KCNG3: variants seen among roughly 807,000 people sequenced by gnomAD.
KCNG3 encodes the protein voltage-gated potassium channel regulatory subunit KCNG3.
A neutral mutation model predicts 29.0 loss-of-function variants in KCNG3; 15 were observed. The ratio of observed to expected loss-of-function variants is 0.52; its 90% CI spans 0.35 to 0.80. The LOEUF (loss-of-function observed/expected upper bound fraction) is 0.80. Ranked by LOEUF, KCNG3 falls within the 30% of genes least tolerant of loss-of-function variation. KCNG3 has a pLI of 0.01. For missense variants in KCNG3, 512 were observed against 605.7 expected, an observed-to-expected ratio of 0.85 and a Z score of 1.62; for synonymous variants, 322 against 248.9, an observed-to-expected ratio of 1.29 and a Z score of -2.76.
intron 1 of KCNG3, among the ~76,000 whole-genome samples, chr2:42,445,932 G>C (rs1469368476): frequency 6.6e-5 from 10 of 151,780 alleles, no homozygotes. Flanking sequence ...TCACCATTTT[G>C]GCCAGGCTGG....
At chr2:42,483,442 A>G (rs779814920) in intron 1 of KCNG3, among the ~76,000 whole-genome samples, 1 of 152,222 alleles carries the variant, frequency 6.6e-6, no homozygotes, top group Non-Finnish European at 1.5e-5. Flanking sequence ...CACTGTTTGC[A>G]CTTTTGAAAA....
intron 1 of KCNG3, chr2:42,469,939 C>A: frequency 2.9e-6 from 1 of 342,088 alleles, no homozygotes; most frequent in South Asian, 4.4e-5. Context: ...AACTGGCCAA[C>A]AAGGCCTGAC....
At position 42,493,594 on chromosome 2, in the gene KCNG3, G is replaced by C. The variant is rs533277858; in HGVS notation, c.-93C>G. ...GGGGCCTGCCTGCCCGTGGCTGACGGGGGAGCGCGCCGTCGGGGCCCGCGC... is the reference window on the plus strand; with the variant it reads ...GGGGCCTGCCTGCCCGTGGCTGACGCGGGAGCGCGCCGTCGGGGCCCGCGC... On this transcript the variant is annotated 5_prime_UTR_variant, in exon 1 of 2. Coordinates refer to ENST00000306078, the MANE Select transcript of KCNG3 (RefSeq NM_133329.6). 47 of 1,161,000 alleles carry C rather than the reference G, an allele frequency of 4.0e-5. No homozygotes were observed. The South Asian group carries it at 7.5e-4, about 18-fold the overall frequency. 71.9% of individuals were successfully genotyped at this position (1,161,000 alleles called of 1,614,324 possible). A position where few individuals can be genotyped will look rare whatever the true frequency, so the allele number is the denominator to read the frequency against.
the KCNG3 span, among the ~76,000 whole-genome samples, chr2:42,407,587 G>C: frequency 6.6e-6 from 1 of 152,178 alleles, no homozygotes; most frequent in Non-Finnish European, 1.5e-5. Flanking sequence ...AGCCATCCAA[G>C]TCATGGCTGT....
In KCNG3 at chr2:42,444,543, G is replaced by T. The variant is rs142024638; in HGVS notation, c.702C>A (p.Ala234=). The part of the protein sequence containing the change: ...IEAICIGWFT[A]ECIVRFIVSK... Reference sequence around the variant, plus strand: ...AGACAATGAACCTCACGATGCACTCGGCAGTGAACCAACCTATGCAGATAG... The same window carrying T: ...AGACAATGAACCTCACGATGCACTCTGCAGTGAACCAACCTATGCAGATAG... The change falls in exon 2 of 2, where the codon GCC becomes GCA. Residue 234 remains alanine (A), a synonymous_variant. Coordinates refer to ENST00000306078, the MANE Select transcript of KCNG3 (RefSeq NM_133329.6). This position sits in a 1 kb window ranked among gnomAD's most constrained non-coding sequence, Gnocchi z 5.8. 47 of 1,613,888 alleles carry T rather than the reference G, an allele frequency of 2.9e-5. No homozygotes were observed. Among genetic ancestry groups the T allele is most frequent in the Non-Finnish European group, 4.0e-5 (47 of 1,179,874 alleles).
chr2:42,483,980 G>A (rs74680199), intron 1 of KCNG3, among the ~76,000 whole-genome samples: 45,041 of 151,886 alleles, frequency 0.3, 7,820 homozygotes, highest in African/African-American at 0.47. Context: ...ACGGGATTTC[G>A]CCATGTTGCC....
At chr2:42,477,384 TATATACACACACACAC>T (rs1673458913) in intron 1 of KCNG3, among the ~76,000 whole-genome samples, 1 of 101,902 alleles carries the variant, frequency 9.8e-6, no homozygotes, top group Non-Finnish European at 1.8e-5. Flanking sequence ...CACACACATA[TATATACACACACACAC>T]ACACACACAC....
rs1454694068 is a variant in KCNG3 at position 42,442,576 on chromosome 2, CA to C, written c.*1357del. ...AGGTCCTCCATCACCCACCACTTCC[CA>C]ATCCCTGTCTTCTCTACCTCTGACA... On this transcript the variant is annotated 3_prime_UTR_variant, in exon 2 of 2. Coordinates refer to ENST00000306078, the MANE Select transcript of KCNG3 (RefSeq NM_133329.6). The C allele has an allele frequency of 6.6e-6, 1 of 152,220 alleles. No homozygotes were observed. Among genetic ancestry groups the C allele is most frequent in the East Asian group, 1.9e-4 (1 of 5,202 alleles). 9.4% of individuals were successfully genotyped at this position (152,220 alleles called of 1,614,324 possible).
At chr2:42,467,380 G>C (rs550815854) in intron 1 of KCNG3, among the ~76,000 whole-genome samples, 1 of 152,264 alleles carries the variant, frequency 6.6e-6, no homozygotes, top group African/African-American at 2.4e-5. Context: ...TAAAAAGTCA[G>C]TGAAAGGCCA....
the KCNG3 span, among the ~76,000 whole-genome samples, chr2:42,417,941 C>T: frequency 6.6e-6 from 1 of 151,620 alleles, no homozygotes; most frequent in Non-Finnish European, 1.5e-5. Flanking sequence ...CACTGCACTC[C>T]AGCCTGGGTG....
intron 1 of KCNG3, among the ~76,000 whole-genome samples, chr2:42,488,873 A>C (rs1330643980): frequency 6.6e-6 from 1 of 151,768 alleles, no homozygotes; most frequent in Admixed American, 6.6e-5. Flanking sequence ...TAAATTATAC[A>C]ATAGAAGATA....
intron 1 of KCNG3, among the ~76,000 whole-genome samples, chr2:42,460,850 C>T (rs576594456): frequency 6.6e-6 from 1 of 152,170 alleles, no homozygotes; most frequent in Non-Finnish European, 1.5e-5. Flanking sequence ...TCTGACTATT[C>T]CTTTGATTTT....
Position 42,493,112 on chromosome 2 carries a change from G to C in KCNG3, c.390C>G (p.Asp130Glu). 3 of 1,593,046 alleles carry C rather than the reference G, an allele frequency of 1.9e-6. No individual in the cohort carries two copies. The highest frequency in any genetic ancestry group is 1.7e-4 in the Middle Eastern group (1 of 6,034). Reference sequence around the variant, plus strand: ...CGTCGCGGCCCAGCACGCCCGGCTCGTCGGCCGAGTAGAAGGTGTAGGTGT... The same window carrying C: ...CGTCGCGGCCCAGCACGCCCGGCTCCTCGGCCGAGTAGAAGGTGTAGGTGT... Reference protein sequence around the residue: ...MSDTYTFYSADEPGVLGRDEA... With the variant: ...MSDTYTFYSAEEPGVLGRDEA... Residue 130 changes from aspartate to glutamate, a missense_variant, in exon 1 of 2, where the codon GAC (aspartate) becomes GAG (glutamate). Transcript: ENST00000306078.
chr2:42,439,682 T>C (rs1220493696), downstream of KCNG3, among the ~76,000 whole-genome samples: 1 of 152,004 alleles, frequency 6.6e-6, no homozygotes, highest in Non-Finnish European at 1.5e-5. Context: ...GTTTCACTTT[T>C]GTCACCCAGG....
At chr2:42,477,030 T>TAA (rs925604415) in intron 1 of KCNG3, among the ~76,000 whole-genome samples, 1 of 130,008 alleles carries the variant, frequency 7.7e-6, no homozygotes. Flanking sequence ...CTAAAAAATA[T>TAA]AAAAAAAAAA....
chr2:42,471,822 T>C (rs1202832180), intron 1 of KCNG3, among the ~76,000 whole-genome samples: 1 of 145,958 alleles, frequency 6.9e-6, no homozygotes, highest in Non-Finnish European at 1.5e-5. Flanking sequence ...AGGTTGAGGC[T>C]GTAGTGAGCC....
intron 1 of KCNG3, among the ~76,000 whole-genome samples, chr2:42,445,073 T>TAAA (rs35392805): frequency 4.4e-5 from 6 of 136,352 alleles, no homozygotes; most frequent in Admixed American, 7.6e-5. Context: ...TCTCAAAAAT[T>TAAA]AAAAAAAAAA....
intron 1 of KCNG3, among the ~76,000 whole-genome samples, chr2:42,470,899 C>G (rs1354235415): frequency 6.6e-6 from 1 of 151,966 alleles, no homozygotes; most frequent in Non-Finnish European, 1.5e-5. Context: ...GCTCTCACAC[C>G]TGTAATCCCA....
chr2:42,452,166 T>G (rs1672770765), intron 1 of KCNG3, among the ~76,000 whole-genome samples: 1 of 149,226 alleles, frequency 6.7e-6, no homozygotes. Context: ...ACATAAGATA[T>G]TTTGATACAG....
Sources: allele counts gnomAD v4.1 joint callset (sites outside exome capture counted in the v4.1 genomes callset), GRCh38; gene constraint gnomAD v4.1.1; non-coding constraint Gnocchi (gnomAD v3.1); transcripts MANE v1.5; gene names NCBI Gene and HGNC (gene_info 2026-07-23, HGNC 2026-07-21).